The following UGGT2 variants were observed in gnomAD, a reference collection of about 807,000 sequenced individuals.
UGGT2 encodes the protein UDP-glucose:glycoprotein glucosyltransferase 2.
Under a neutral mutation model 192.1 loss-of-function variants are expected in UGGT2, and 180 were observed. The ratio of observed to expected loss-of-function variants is 0.94; its 90% CI spans 0.83 to 1.06. UGGT2 has a LOEUF of 1.06. UGGT2 is among the 50% of genes least tolerant of loss of function. The pLI, the probability that UGGT2 is intolerant of heterozygous loss-of-function variation, is 0.00. For synonymous variants in UGGT2, 580 were observed against 591.0 expected (o/e 0.98, Z 0.27); for missense variants, 1,849 against 1,795.7 (o/e 1.03, Z -0.54).
At chr13:96,044,929 G>A (rs1263883847) in intron 1 of UGGT2, among the ~76,000 whole-genome samples, 6 of 151,992 alleles carry the variant, frequency 3.9e-5, no homozygotes, top group Non-Finnish European at 7.4e-5. Context: ...CAAAGAATTC[G>A]TACGAATCCT....
intron 38 of UGGT2, among the ~76,000 whole-genome samples, chr13:95,819,188 T>C (rs576216780): frequency 1.3e-5 from 2 of 152,296 alleles, no homozygotes; most frequent in South Asian, 4.1e-4. Context: ...TTTCTTGGTG[T>C]TTCCCTTTAT....
At chr13:95,956,013 T>C (rs530404579) in intron 12 of UGGT2, among the ~76,000 whole-genome samples, 5 of 152,180 alleles carry the variant, frequency 3.3e-5, no homozygotes, top group African/African-American at 4.8e-5. Context: ...GAACATAGTA[T>C]CTGGCACTCT....
At chr13:95,827,180 AAT>A (rs1886136323) in intron 38 of UGGT2, among the ~76,000 whole-genome samples, 1 of 152,180 alleles carries the variant, frequency 6.6e-6, no homozygotes, top group African/African-American at 2.4e-5. Flanking sequence ...ATGGCCTTTA[AAT>A]ATATGACAAG....
chr13:95,965,430 T>C (rs2050541602), intron 12 of UGGT2, among the ~76,000 whole-genome samples: 1 of 151,972 alleles, frequency 6.6e-6, no homozygotes, highest in Non-Finnish European at 1.5e-5. Flanking sequence ...GATGAGTTCA[T>C]GTCCTTTGTA....
chr13:95,868,130 T>G (rs751995583), intron 29 of UGGT2, among the ~76,000 whole-genome samples: 3 of 152,214 alleles, frequency 2.0e-5, no homozygotes, highest in Non-Finnish European at 2.9e-5. Flanking sequence ...GTATAGTTAC[T>G]TTTGAGTTGT....
At chr13:96,016,758 G>A (rs562324824) in intron 4 of UGGT2, among the ~76,000 whole-genome samples, 1 of 152,338 alleles carries the variant, frequency 6.6e-6, no homozygotes, top group East Asian at 1.9e-4. Flanking sequence ...TCCCCACCTG[G>A]ATACTGCCTA....
rs1889029552 is a variant in UGGT2, at chr13:95,851,477, A to G, written c.4284+2066T>C. 2.0e-5 allele frequency among the ~76,000 whole-genome samples: 3 copies of G among 152,174 alleles called. No individual in the cohort carries two copies. In the South Asian group the frequency reaches 6.2e-4, roughly 32 times the overall value. ...AGAGAATAGCAACATTTAAAGGAAA[A>G]GTAGAGAAAAAGTAGTTCACCAACA... On this transcript the variant is annotated intron_variant, in intron 36 of 38. Coordinates refer to ENST00000376747, the MANE Select transcript of UGGT2 (RefSeq NM_020121.4).
intron 1 of UGGT2, among the ~76,000 whole-genome samples, chr13:96,045,285 C>T (rs2053276139): frequency 6.6e-6 from 1 of 152,044 alleles, no homozygotes; most frequent in Non-Finnish European, 1.5e-5. Context: ...AAATCAAGCA[C>T]CCCTTTATGA....
chr13:95,905,452 C>A (rs983848833), intron 20 of UGGT2, among the ~76,000 whole-genome samples: 4 of 151,976 alleles, frequency 2.6e-5, no homozygotes, highest in Non-Finnish European at 4.4e-5. Flanking sequence ...AGTCTTTAAT[C>A]CATCTTCAAT....
Position 95,832,704 on chromosome 13 carries a change from T to C in UGGT2, c.4528+223A>G, listed in dbSNP as rs776796345. 13 of 624,370 alleles carry C rather than the reference T, an allele frequency of 2.1e-5. No individual in the cohort carries two copies. The East Asian group carries it at 3.8e-4, about 18-fold the overall frequency. The allele number at this position is 624,370 out of a possible 1,614,324, so 38.7% of individuals were successfully genotyped here. ...AGACTAATGTTACACTATCTATCCA[T>C]ATAGAGTTATGAGCTGAAGCTGTAT... On this transcript the variant is annotated intron_variant, in intron 38 of 38. Transcript: ENST00000376747.
chr13:95,809,382 CA>C, intron 38 of UGGT2: 1 of 404,922 alleles, frequency 2.5e-6, no homozygotes, highest in Non-Finnish European at 4.8e-6. Flanking sequence ...CCATTTTCTG[CA>C]GGCAAATCTT....
At position 95,931,915 on chromosome 13, in the gene UGGT2, G is replaced by A. The variant is rs186043128; in HGVS notation, c.1978-4579C>T. Among the ~76,000 whole-genome samples the A allele has an allele frequency of 6.9e-3, 1,052 of 152,084 alleles. 9 individuals are homozygous for A. Among genetic ancestry groups the A allele is most frequent in the Non-Finnish European group, 0.011 (755 of 67,944 alleles). On this transcript the variant is annotated intron_variant, in intron 17 of 38. Transcript: ENST00000376747. The stretch of plus-strand genomic sequence containing the variant: ...GCAGTGGCAGGCTGAAGGGCTCCTC[G>A]AGCATGGCCAGAGCGGACGCCGAGG...
At chr13:95,981,521 GAGGAAA>G (rs2051124825) in intron 10 of UGGT2, among the ~76,000 whole-genome samples, 1 of 152,018 alleles carries the variant, frequency 6.6e-6, no homozygotes, top group Non-Finnish European at 1.5e-5. Flanking sequence ...CCCAGACCCA[GAGGAAA>G]ATCCTTCAAA....
chr13:96,011,091 G>C (rs2052147479), intron 5 of UGGT2, among the ~76,000 whole-genome samples: 1 of 152,078 alleles, frequency 6.6e-6, no homozygotes, highest in South Asian at 2.1e-4. Flanking sequence ...TATCTCACAA[G>C]TTGCACAAAC....
At chr13:95,904,231 G>A (rs1054516973) in intron 20 of UGGT2, among the ~76,000 whole-genome samples, 1 of 152,008 alleles carries the variant, frequency 6.6e-6, no homozygotes, top group African/African-American at 2.4e-5. Flanking sequence ...GATGGCTACT[G>A]TGTTTTGGGT....
chr13:95,806,551 A>G (rs907174672), intron 38 of UGGT2, among the ~76,000 whole-genome samples: 1 of 152,188 alleles, frequency 6.6e-6, no homozygotes, highest in Admixed American at 6.5e-5. Context: ...CAGAAACAGA[A>G]AAACCTAAAA....
At chr13:95,902,263 C>T (rs1423473980) in intron 21 of UGGT2, among the ~76,000 whole-genome samples, 3 of 152,100 alleles carry the variant, frequency 2.0e-5, no homozygotes, top group Non-Finnish European at 4.4e-5. Context: ...TTCAACATTT[C>T]CTCTTTTTGT....
At chr13:95,991,841 C>T (rs942854484) in intron 7 of UGGT2, among the ~76,000 whole-genome samples, 6 of 152,048 alleles carry the variant, frequency 3.9e-5, no homozygotes, top group African/African-American at 1.4e-4. Flanking sequence ...AGGATTTTTG[C>T]TTTGAAATGA....
At chr13:95,831,255 A>G (rs1886651273) in intron 38 of UGGT2, among the ~76,000 whole-genome samples, 1 of 152,116 alleles carries the variant, frequency 6.6e-6, no homozygotes, top group African/African-American at 2.4e-5. Flanking sequence ...GTGCACATAT[A>G]CCCTAGAACT....
Sources: gnomAD v4.1 joint callset for allele counts (sites outside exome capture counted in the v4.1 genomes callset) on GRCh38, gnomAD v4.1.1 for gene constraint, MANE v1.5 for transcripts, NCBI Gene and HGNC (gene_info 2026-07-23, HGNC 2026-07-21) for gene names.